CPSF4L: variants seen among roughly 807,000 people sequenced by gnomAD.
CPSF4L encodes the protein putative cleavage and polyadenylation specificity factor subunit 4-like protein.
CPSF4L carries 18 observed loss-of-function variants against 24.0 expected under a neutral mutation model. The observed-to-expected ratio is 0.75, with a 90% confidence interval of 0.52 to 1.11. CPSF4L has a LOEUF of 1.11. Among genes scored for constraint, CPSF4L ranks in the 50% least tolerant of loss-of-function variants. The probability of loss-of-function intolerance (pLI) is 0.00; values close to 1 mark genes in which losing one functional copy is unlikely to be tolerated. For missense variants in CPSF4L, 211 were observed against 221.8 expected (o/e 0.95, Z 0.31); for synonymous variants, 72 against 77.2 (o/e 0.93, Z 0.35).
In CPSF4L at chr17:73,252,642, C is replaced by T. The variant is rs1008046529; in HGVS notation, c.485G>A (p.Cys162Tyr). ...GGATCATACTTACTGAGCAAATTGG[C>T]ACTTGGGTCCCTCGGGGCAGAAGCC... ...LVGFCPEGPK[C>Y]QFAQKIREFK... Residue 162 changes from cysteine (C) to tyrosine (Y), a missense_variant, in exon 5 of 6, where the codon TGC becomes TAC. Transcript: ENST00000344935. 1.9e-6 allele frequency: 3 copies of T among 1,549,782 alleles called. No homozygotes were observed. The highest frequency in any genetic ancestry group is 1.2e-5 in the South Asian group (1 of 84,010).
chr17:73,247,466 C>A, downstream of CPSF4L: 1 of 887,816 alleles, frequency 1.1e-6, no homozygotes, highest in African/African-American at 1.7e-5. Context: ...GCTTTTCAGC[C>A]CTCAAGGTTA....
At chr17:73,259,353 T>TA (rs2062036189) in intron 2 of CPSF4L, among the ~76,000 whole-genome samples, 1 of 69,102 alleles carries the variant, frequency 1.4e-5, no homozygotes, top group East Asian at 5.8e-4. Context: ...TTTTCCTTTT[T>TA]TAAAAAAAAA....
the CPSF4L span, among the ~76,000 whole-genome samples, chr17:73,242,639 T>C: frequency 4.6e-5 from 7 of 152,318 alleles, no homozygotes; most frequent in East Asian, 1.9e-4. Context: ...AGAAAAACTC[T>C]AAACCTCAAG....
the CPSF4L span, chr17:73,242,207 G>T: frequency 7.1e-7 from 1 of 1,415,176 alleles, no homozygotes; most frequent in South Asian, 1.2e-5. Flanking sequence ...GGTACGTTTC[G>T]GTAAACAATG....
At chr17:73,245,559 C>T (rs1201634851), downstream of CPSF4L, 1 of 985,184 alleles carries the variant, frequency 1.0e-6, no homozygotes, top group Non-Finnish European at 1.2e-6. Flanking sequence ...TACCATTCAG[C>T]TATATGAGAT....
At chr17:73,242,972 C>A in the CPSF4L span, 1 of 1,613,784 alleles carries the variant, frequency 6.2e-7, no homozygotes, top group East Asian at 2.2e-5. Context: ...GATACTTCGT[C>A]CTGTGTTGTA....
rs568207022 is a variant in CPSF4L, at chr17:73,254,970, A to G, written c.308-944T>C. On this transcript the variant is annotated intron_variant, in intron 3 of 5. Transcript: ENST00000344935. ...GGTGTCATTTTAAGAGCTCTCTTAG[A>G]TTTCTCTTAGGAAGAAAGCTCTGAA... is the stretch of plus-strand genomic sequence containing the variant. 5.9e-5 allele frequency among the ~76,000 whole-genome samples: 9 copies of G among 152,224 alleles called. No individual in the cohort carries two copies. In the East Asian group the frequency reaches 1.7e-3, roughly 29 times the overall value.
chr17:73,259,519 G>C (rs181407453), intron 2 of CPSF4L, among the ~76,000 whole-genome samples: 86 of 152,224 alleles, frequency 5.6e-4, no homozygotes, highest in Admixed American at 2.6e-3. Flanking sequence ...TCCACCCCTG[G>C]CTATTGACTT....
At chr17:73,247,117 A>T, downstream of CPSF4L, 1 of 794,486 alleles carries the variant, frequency 1.3e-6, no homozygotes. Flanking sequence ...TACAAAAACA[A>T]GCCCTGCTCA....
intron 5 of CPSF4L, chr17:73,248,760 C>T (rs1395007389): frequency 1.0e-5 from 5 of 502,104 alleles, no homozygotes; most frequent in South Asian, 5.8e-5. Flanking sequence ...AACCTCGGGG[C>T]GGCCTTGTTT....
intron 5 of CPSF4L, among the ~76,000 whole-genome samples, chr17:73,251,996 C>T (rs1397274986): frequency 2.0e-5 from 3 of 152,224 alleles, no homozygotes; most frequent in African/African-American, 7.2e-5. Context: ...GAGGAACAAC[C>T]ACATATATGT....
intron 5 of CPSF4L, chr17:73,248,824 T>G (rs1713503026): frequency 5.6e-6 from 2 of 356,334 alleles, no homozygotes; most frequent in East Asian, 4.8e-5. Context: ...GTAGTTTTTC[T>G]AATGCACATT....
chr17:73,257,624 T>C, intron 3 of CPSF4L, 57 bp downstream of exon 3: 1 of 1,533,506 alleles, frequency 6.5e-7, no homozygotes, highest in Admixed American at 2.0e-5. Flanking sequence ...CCTTCCCATC[T>C]CACAGCCCAC....
downstream of CPSF4L, chr17:73,248,289 C>T (rs1233697390): frequency 3.5e-6 from 2 of 573,658 alleles, no homozygotes; most frequent in African/African-American, 3.8e-5. Flanking sequence ...CCCACAGAAG[C>T]CAGTACGCTT....
downstream of CPSF4L, among the ~76,000 whole-genome samples, chr17:73,246,308 C>T (rs1322601900): frequency 2.6e-5 from 4 of 151,966 alleles, no homozygotes; most frequent in African/African-American, 7.3e-5. Flanking sequence ...CCAAGGCGGG[C>T]GGATCATGAA....
upstream of CPSF4L, among the ~76,000 whole-genome samples, chr17:73,263,246 C>T (rs925622315): frequency 2.0e-5 from 3 of 152,168 alleles, no homozygotes; most frequent in African/African-American, 7.2e-5. Context: ...AATCAAAGCC[C>T]AGGGAGGCCA....
At chr17:73,245,195 G>A (rs2061932050), downstream of CPSF4L, 2 of 1,613,530 alleles carry the variant, frequency 1.2e-6, no homozygotes, top group African/African-American at 2.7e-5. Flanking sequence ...AAGTAGTGTT[G>A]ACCTGGACAT....
At chr17:73,251,017 A>G (rs1330089981) in intron 5 of CPSF4L, 1 of 1,549,502 alleles carries the variant, frequency 6.5e-7, no homozygotes, top group Non-Finnish European at 8.7e-7. Flanking sequence ...CCCAGGCAGG[A>G]GAGCAGGCAC....
chr17:73,256,447 C>A (rs751669114), intron 3 of CPSF4L, among the ~76,000 whole-genome samples: 1 of 152,202 alleles, frequency 6.6e-6, no homozygotes. Flanking sequence ...GAGGAGCAGC[C>A]GCTTGGGGGG....
Sources: allele counts gnomAD v4.1 joint callset (sites outside exome capture counted in the v4.1 genomes callset), GRCh38; gene constraint gnomAD v4.1.1; transcripts MANE v1.5; gene names NCBI Gene and HGNC (gene_info 2026-07-23, HGNC 2026-07-21).